Variants in PRDM10 observed in about 807,000 individuals in gnomAD.
The protein encoded by PRDM10 is PR/SET domain 10.
In PRDM10, 65 loss-of-function variants were observed where a neutral mutation model predicts 133.1. That is an observed-to-expected ratio of 0.49 (90% CI 0.40 to 0.60). PRDM10 has a LOEUF of 0.60. Among genes scored for constraint, PRDM10 ranks in the 20% least tolerant of loss-of-function variants. PRDM10 has a pLI of 0.00. For missense variants in PRDM10, 1,137 were observed against 1,507.1 expected (o/e 0.75, Z 4.07); for synonymous variants, 582 against 580.4 (o/e 1.00, Z -0.04).
At chr11:129,972,593 C>A (rs1591679432) in intron 1 of PRDM10, among the ~76,000 whole-genome samples, 1 of 152,160 alleles carries the variant, frequency 6.6e-6, no homozygotes, top group African/African-American at 2.4e-5. Flanking sequence ...TCACAGCAAG[C>A]AAAAGGAAAC....
intron 1 of PRDM10, among the ~76,000 whole-genome samples, chr11:129,961,591 C>T (rs774850796): frequency 5.3e-5 from 8 of 151,776 alleles, no homozygotes; most frequent in Non-Finnish European, 1.2e-4. Flanking sequence ...CAGGCATGAG[C>T]CACCACACCC....
At chr11:129,961,311 G>A (rs1182686931) in intron 1 of PRDM10, among the ~76,000 whole-genome samples, 1 of 151,598 alleles carries the variant, frequency 6.6e-6, no homozygotes, top group African/African-American at 2.4e-5. Flanking sequence ...GAGGGGAGTT[G>A]TTTTTGTTTT....
Position 129,903,848 on chromosome 11 carries a change from A to G in PRDM10, c.3268-1332T>C, listed in dbSNP as rs536997521. On this transcript the variant is annotated intron_variant, in intron 20 of 20. Coordinates refer to ENST00000360871, the MANE Select transcript of PRDM10 (RefSeq NM_199437.2). ...TTGACTCCTAGGGGGTCCATAGGTC[A>G]GCTGCAAAAAATGCATGAACCCCCA... Among the ~76,000 whole-genome samples the G allele has an allele frequency of 4.6e-5, 7 of 152,278 alleles. No individual in the cohort carries two copies. In the East Asian group the frequency reaches 1.4e-3, roughly 29 times the overall value.
chr11:129,931,303 C>T, intron 10 of PRDM10, 45 bp from the exon 11 acceptor site: 1 of 1,567,210 alleles, frequency 6.4e-7, no homozygotes, highest in Non-Finnish European at 8.7e-7. Context: ...GCCGGAGGGA[C>T]TGTCAGCTCA....
At chr11:129,929,986 GT>G (rs1437970357) in intron 11 of PRDM10, among the ~76,000 whole-genome samples, 1 of 152,188 alleles carries the variant, frequency 6.6e-6, no homozygotes, top group Non-Finnish European at 1.5e-5. Context: ...AGTTTCATAT[GT>G]TTCGATTACA....
intron 9 of PRDM10, among the ~76,000 whole-genome samples, chr11:129,934,690 C>G (rs1453627081): frequency 2.6e-5 from 4 of 152,332 alleles, no homozygotes; most frequent in Admixed American, 2.6e-4. Context: ...CCCACTTCAT[C>G]CCATATGATT....
chr11:129,903,538 G>C (rs1030265463), intron 20 of PRDM10, among the ~76,000 whole-genome samples: 4 of 152,116 alleles, frequency 2.6e-5, no homozygotes, highest in East Asian at 3.9e-4. Context: ...AAACGTCTTC[G>C]TGACGTTCAG....
intron 1 of PRDM10, among the ~76,000 whole-genome samples, chr11:129,995,314 T>G (rs73024833): frequency 0.074 from 11,185 of 152,130 alleles, 497 homozygotes; most frequent in Admixed American, 0.15. Context: ...TTTTCTCCCA[T>G]GCGCTCTGAC....
At chr11:129,941,770 T>C (rs1211909313) in intron 7 of PRDM10, among the ~76,000 whole-genome samples, 1 of 152,252 alleles carries the variant, frequency 6.6e-6, no homozygotes, top group Non-Finnish European at 1.5e-5. Flanking sequence ...TTAATGCAAG[T>C]GTTCTGATCA....
In PRDM10 at chr11:129,976,848, C is replaced by T. The variant is rs550484593; in HGVS notation, c.-118-15766G>A. Among the ~76,000 whole-genome samples the T allele has an allele frequency of 6.3e-4, 96 of 151,690 alleles. 1 individual carries two copies. The highest frequency in any genetic ancestry group is 6.2e-3 in the Admixed American group (95 of 15,208). On this transcript the variant is annotated intron_variant, in intron 1 of 20. Coordinates refer to ENST00000360871, the MANE Select transcript of PRDM10 (RefSeq NM_199437.2). ...TAACAAAATAATACAAATTCCAGCACAAATCCCCATATGAGATGGGGAAGC... is the reference window on the plus strand; with the variant it reads ...TAACAAAATAATACAAATTCCAGCATAAATCCCCATATGAGATGGGGAAGC...
intron 19 of PRDM10, 95 bp downstream of exon 19, chr11:129,910,381 A>T: frequency 6.5e-7 from 1 of 1,527,302 alleles, no homozygotes; most frequent in Non-Finnish European, 8.9e-7. Flanking sequence ...TGGCCAAGAG[A>T]TACTTTAAAA....
chr11:129,952,582 A>C (rs1951606919), intron 4 of PRDM10, among the ~76,000 whole-genome samples: 1 of 151,984 alleles, frequency 6.6e-6, no homozygotes, highest in South Asian at 2.1e-4. Flanking sequence ...AGAGTGGCTT[A>C]ATCAGCTCAT....
intron 20 of PRDM10, 37 bp downstream of exon 20, chr11:129,905,601 T>G (rs752724595): frequency 6.7e-7 from 1 of 1,494,010 alleles, no homozygotes; most frequent in Admixed American, 1.7e-5. Context: ...GCACCACAGG[T>G]TGGACAGGAA....
At chr11:129,990,869 T>A in intron 1 of PRDM10, among the ~76,000 whole-genome samples, 1 of 152,154 alleles carries the variant, frequency 6.6e-6, no homozygotes, top group Non-Finnish European at 1.5e-5. Flanking sequence ...TTAAAGACAG[T>A]GAGCTCAGAT....
chr11:129,962,757 A>G (rs1008049278), intron 1 of PRDM10, among the ~76,000 whole-genome samples: 5 of 152,230 alleles, frequency 3.3e-5, no homozygotes, highest in African/African-American at 1.2e-4. Context: ...ATATAGCAGT[A>G]CTATTTAAAA....
chr11:129,982,371 T>C (rs2135971715), intron 1 of PRDM10, among the ~76,000 whole-genome samples: 1 of 152,108 alleles, frequency 6.6e-6, no homozygotes, highest in Middle Eastern at 3.4e-3. Context: ...CAAGCAATTC[T>C]TCTGCCTCAG....
At chr11:129,910,404 C>T in intron 19 of PRDM10, 72 bp downstream of exon 19, 1 of 1,589,082 alleles carries the variant, frequency 6.3e-7, no homozygotes, top group South Asian at 1.1e-5. Flanking sequence ...CTATCACAAG[C>T]TGAAGAAATT....
Position 129,918,616 on chromosome 11 carries a change from T to C in PRDM10, c.2137A>G (p.Ile713Val). The change falls in exon 14 of 21, where the codon ATC becomes GTC. Residue 713 changes from isoleucine (I) to valine (V), a missense_variant. Physicochemically the swap from Ile to Val is conservative, Grantham distance 29. Coordinates refer to ENST00000360871, the MANE Select transcript of PRDM10 (RefSeq NM_199437.2). The surrounding 1 kb of genome is among the most constrained non-coding windows in gnomAD (Gnocchi z 5.3). ...ISRSKTFKPR[I>V]TSTDYDSFTF... ...AAGCTGTCGTAGTCTGTGGACGTGATGCGGGGCTTGAACGTCTTGGAGCGG... is the reference window on the plus strand; with the variant it reads ...AAGCTGTCGTAGTCTGTGGACGTGACGCGGGGCTTGAACGTCTTGGAGCGG... The C allele has an allele frequency of 6.2e-7, 1 of 1,614,254 alleles. No homozygotes were observed. The highest frequency in any genetic ancestry group is 1.3e-5 in the African/African-American group (1 of 75,078).
intron 17 of PRDM10, among the ~76,000 whole-genome samples, chr11:129,912,487 C>T (rs1307860365): frequency 6.6e-6 from 1 of 152,222 alleles, no homozygotes; most frequent in Non-Finnish European, 1.5e-5. Context: ...CGCCGTGGCT[C>T]ACGCCTGTAA....
Sources: allele counts gnomAD v4.1 joint callset (sites outside exome capture counted in the v4.1 genomes callset), GRCh38; gene constraint gnomAD v4.1.1; non-coding constraint Gnocchi (gnomAD v3.1); transcripts MANE v1.5; gene names NCBI Gene and HGNC (gene_info 2026-07-23, HGNC 2026-07-21).